Variants in SMOC2 observed in about 807,000 individuals in gnomAD.
SMOC2 encodes SPARC related modular calcium binding 2.
Under a neutral mutation model 61.4 loss-of-function variants are expected in SMOC2, and 39 were observed. The ratio of observed to expected loss-of-function variants is 0.64; its 90% CI spans 0.49 to 0.83. The LOEUF (loss-of-function observed/expected upper bound fraction) is 0.83. SMOC2 is among the 40% of genes least tolerant of loss of function. The pLI is 0.00. For missense variants in SMOC2, 556 were observed against 592.9 expected (o/e 0.94, Z 0.65); for synonymous variants, 247 against 239.9 (o/e 1.03, Z -0.27).
chr6:168,490,351 C>A (rs1238947706), intron 1 of SMOC2, among the ~76,000 whole-genome samples: 1 of 152,200 alleles, frequency 6.6e-6, no homozygotes, highest in Admixed American at 6.6e-5. Context: ...GAGACTCCAG[C>A]CATCATTCTT....
chr6:168,534,807 C>G (rs1783695012), intron 4 of SMOC2, among the ~76,000 whole-genome samples: 1 of 152,184 alleles, frequency 6.6e-6, no homozygotes, highest in African/African-American at 2.4e-5. Context: ...TAAAATGGCC[C>G]TTTGTTGCAC....
chr6:168,533,978 G>A (rs1180094185), intron 4 of SMOC2, among the ~76,000 whole-genome samples: 2 of 152,156 alleles, frequency 1.3e-5, no homozygotes, highest in African/African-American at 4.8e-5. Flanking sequence ...GGGAGTGGTG[G>A]CTCTTGCTTG....
At chr6:168,551,480 G>T (rs1266731321) in intron 7 of SMOC2, among the ~76,000 whole-genome samples, 1 of 150,686 alleles carries the variant, frequency 6.6e-6, no homozygotes, top group Admixed American at 6.6e-5. Flanking sequence ...TTGAGAGAAA[G>T]TCTTGCTCTG....
intron 7 of SMOC2, among the ~76,000 whole-genome samples, chr6:168,563,704 T>C (rs940108059): frequency 1.3e-5 from 2 of 152,208 alleles, no homozygotes; most frequent in East Asian, 3.9e-4. Context: ...AGGCGCCATC[T>C]GTGAACCAGG....
At chr6:168,523,915 T>C (rs1055135281) in intron 2 of SMOC2, among the ~76,000 whole-genome samples, 2 of 152,176 alleles carry the variant, frequency 1.3e-5, no homozygotes, top group African/African-American at 4.8e-5. Flanking sequence ...GGGGACAGTG[T>C]TGAAGCATCC....
chr6:168,573,181 G>T (rs1414403268), intron 7 of SMOC2, among the ~76,000 whole-genome samples: 8 of 6,924 alleles, frequency 1.2e-3, no homozygotes, highest in African/African-American at 2.0e-3. Flanking sequence ...CCGCATCCCC[G>T]GGTGCCGGGA....
At chr6:168,626,023 G>A (rs1786400436) in intron 9 of SMOC2, among the ~76,000 whole-genome samples, 1 of 152,210 alleles carries the variant, frequency 6.6e-6, no homozygotes, top group African/African-American at 2.4e-5. Context: ...GACGAGAGCT[G>A]CCTTTCTAAG....
intron 2 of SMOC2, among the ~76,000 whole-genome samples, chr6:168,515,797 C>A: frequency 6.6e-6 from 1 of 151,876 alleles, no homozygotes; most frequent in East Asian, 1.9e-4. Context: ...AGACACGGGG[C>A]TTGGTGTCTA....
chr6:168,663,356 T>G (rs1356120251), intron 11 of SMOC2, among the ~76,000 whole-genome samples: 1 of 152,194 alleles, frequency 6.6e-6, no homozygotes, highest in Non-Finnish European at 1.5e-5. Flanking sequence ...AAAAACTATT[T>G]TGAGCCAAAC....
At chr6:168,542,613 G>A (rs1020068651) in intron 4 of SMOC2, among the ~76,000 whole-genome samples, 2 of 152,118 alleles carry the variant, frequency 1.3e-5, no homozygotes, top group Admixed American at 6.5e-5. Flanking sequence ...CATAGGAACC[G>A]TTGACATGTG....
intron 1 of SMOC2, among the ~76,000 whole-genome samples, chr6:168,472,603 G>A (rs988896992): frequency 6.6e-6 from 1 of 152,104 alleles, no homozygotes; most frequent in African/African-American, 2.4e-5. Flanking sequence ...AATGTCACAT[G>A]TTTATTCTGA....
chr6:168,649,143 G>A (rs1787127030), intron 9 of SMOC2, among the ~76,000 whole-genome samples: 1 of 152,206 alleles, frequency 6.6e-6, no homozygotes, highest in Non-Finnish European at 1.5e-5. Flanking sequence ...CGGGGAAGGG[G>A]CCGTCCTCAG....
In SMOC2 at chr6:168,487,110, A is replaced by C. The variant is rs188090805; in HGVS notation, c.85-22805A>C. Among the ~76,000 whole-genome samples, 13 of 152,236 alleles carry C rather than the reference A, an allele frequency of 8.5e-5. No homozygotes were observed. In the East Asian group the frequency reaches 2.5e-3, roughly 29 times the overall value. On this transcript the variant is annotated intron_variant, in intron 1 of 12. Coordinates refer to ENST00000356284, the MANE Select transcript of SMOC2 (RefSeq NM_001166412.2). ...TCCTCTGCCCTGTGGCCATCTCAGC[A>C]CTCAAACGTCCCCCTGCTTCTTGTT...
At chr6:168,518,875 ATG>A (rs924540915) in intron 2 of SMOC2, among the ~76,000 whole-genome samples, 84 of 144,068 alleles carry the variant, frequency 5.8e-4, no homozygotes, top group Middle Eastern at 4.2e-3. Flanking sequence ...GAATGTATTC[ATG>A]TGTCTGAGCA....
At chr6:168,648,623 A>G (rs1284212156) in intron 9 of SMOC2, among the ~76,000 whole-genome samples, 3 of 152,214 alleles carry the variant, frequency 2.0e-5, no homozygotes, top group South Asian at 2.1e-4. Flanking sequence ...CTTGGAAAGT[A>G]GCATTTGCCC....
In SMOC2 at chr6:168,576,623, T is replaced by C. The variant is rs543397043; in HGVS notation, c.638-22195T>C. Reference sequence around the variant, plus strand: ...CGCATCACAGGCAAACCGGCGGGCCTCGCTCCATGGAACCCCCAACCACAA... The same window carrying C: ...CGCATCACAGGCAAACCGGCGGGCCCCGCTCCATGGAACCCCCAACCACAA... On this transcript the variant is annotated intron_variant, in intron 7 of 12. Coordinates refer to ENST00000356284, the MANE Select transcript of SMOC2 (RefSeq NM_001166412.2). Among the ~76,000 whole-genome samples the C allele has an allele frequency of 2.8e-4, 43 of 152,138 alleles. No homozygotes were observed. The South Asian group carries it at 8.7e-3, about 31-fold the overall frequency.
At chr6:168,539,948 G>T (rs1011044314) in intron 4 of SMOC2, among the ~76,000 whole-genome samples, 1 of 152,170 alleles carries the variant, frequency 6.6e-6, no homozygotes, top group African/African-American at 2.4e-5. Context: ...CACTTTCCTT[G>T]TCTGTATAAC....
rs533399118 is a variant in SMOC2 at position 168,545,446 on chromosome 6, G to A, written c.512-1673G>A. On this transcript the variant is annotated intron_variant, in intron 5 of 12. Coordinates refer to ENST00000356284, the MANE Select transcript of SMOC2 (RefSeq NM_001166412.2). Reference sequence around the variant, plus strand: ...GAAAGTAAAAAATGCACAGCTCTTCGAGATTTTTGTTTTATTTCCTTAAGG... The same window carrying A: ...GAAAGTAAAAAATGCACAGCTCTTCAAGATTTTTGTTTTATTTCCTTAAGG... Among the ~76,000 whole-genome samples the A allele has an allele frequency of 1.1e-4, 16 of 152,290 alleles. No individual in the cohort carries two copies. The South Asian group carries it at 2.5e-3, about 24-fold the overall frequency.
chr6:168,564,669 C>A (rs1784503171), intron 7 of SMOC2, among the ~76,000 whole-genome samples: 2 of 152,154 alleles, frequency 1.3e-5, no homozygotes. Flanking sequence ...CCTATCTTTT[C>A]TTTTGTGGCT....
Sources: allele counts gnomAD v4.1 joint callset (sites outside exome capture counted in the v4.1 genomes callset), GRCh38; gene constraint gnomAD v4.1.1; transcripts MANE v1.5; gene names NCBI Gene and HGNC (gene_info 2026-07-23, HGNC 2026-07-21).